THSD7B: variants seen among roughly 807,000 people sequenced by gnomAD.
The protein encoded by THSD7B is thrombospondin type-1 domain-containing protein 7B.
THSD7B carries 138 observed loss-of-function variants against 213.6 expected under a neutral mutation model. The observed-to-expected ratio is 0.65, with a 90% CI of 0.56 to 0.74. The LOEUF (loss-of-function observed/expected upper bound fraction) is 0.74, where lower values mean the gene tolerates loss of function less well. THSD7B is among the 30% of genes least tolerant of loss of function. THSD7B has a pLI of 0.00. For missense variants in THSD7B, 1,931 were observed against 1,991.5 expected, an observed-to-expected ratio of 0.97 and a Z score of 0.58; for synonymous variants, 742 against 687.0, an observed-to-expected ratio of 1.08 and a Z score of -1.25.
intron 4 of THSD7B, among the ~76,000 whole-genome samples, chr2:137,095,881 G>A (rs1227792173): frequency 6.6e-6 from 1 of 152,022 alleles, no homozygotes; most frequent in Non-Finnish European, 1.5e-5. Flanking sequence ...TTTTTATTTT[G>A]TATAGAGATG....
chr2:137,329,828 T>C (rs1684455105), intron 12 of THSD7B, among the ~76,000 whole-genome samples: 1 of 152,156 alleles, frequency 6.6e-6, no homozygotes, highest in Admixed American at 6.5e-5. Context: ...CGAATGTTGA[T>C]CACCAAGACA....
chr2:136,915,691 C>G (rs1029366258), intron 2 of THSD7B, among the ~76,000 whole-genome samples: 6 of 152,158 alleles, frequency 3.9e-5, no homozygotes, highest in African/African-American at 1.4e-4. Flanking sequence ...GGTAAAGTAC[C>G]TGGCCCATGG....
chr2:137,437,798 A>G (rs576677376), intron 14 of THSD7B, among the ~76,000 whole-genome samples: 104 of 152,266 alleles, frequency 6.8e-4, no homozygotes, highest in Non-Finnish European at 1.4e-3. Flanking sequence ...TTTAATTAGC[A>G]GGGAACTGTT....
At chr2:137,355,051 T>C (rs1685098041) in intron 12 of THSD7B, among the ~76,000 whole-genome samples, 1 of 152,166 alleles carries the variant, frequency 6.6e-6, no homozygotes, top group African/African-American at 2.4e-5. Context: ...CCACCATGAG[T>C]ATCTTTAATA....
chr2:136,809,761 A>G (rs1227970424), intron 1 of THSD7B, among the ~76,000 whole-genome samples: 1 of 152,184 alleles, frequency 6.6e-6, no homozygotes, highest in Non-Finnish European at 1.5e-5. Context: ...GGGGGAAAGC[A>G]CAGAGACCAG....
chr2:137,147,879 A>G (rs1679734800), intron 5 of THSD7B, among the ~76,000 whole-genome samples: 1 of 152,038 alleles, frequency 6.6e-6, no homozygotes, highest in Non-Finnish European at 1.5e-5. Flanking sequence ...TTTTTTAAAC[A>G]TCCTTCTCCC....
At chr2:137,378,496 T>G (rs942723571) in intron 12 of THSD7B, among the ~76,000 whole-genome samples, 4 of 152,198 alleles carry the variant, frequency 2.6e-5, no homozygotes, top group Admixed American at 1.3e-4. Context: ...TATATATTTA[T>G]TTTGGGTGGT....
intron 15 of THSD7B, among the ~76,000 whole-genome samples, chr2:137,482,109 A>G (rs2375571): frequency 0.4 from 61,150 of 151,114 alleles, 13,749 homozygotes; most frequent in East Asian, 0.63. Context: ...GAACCTGGGA[A>G]GTGGAGCTTG....
chr2:137,221,911 A>C (rs996101758), intron 7 of THSD7B, among the ~76,000 whole-genome samples: 1 of 152,240 alleles, frequency 6.6e-6, no homozygotes, highest in Non-Finnish European at 1.5e-5. Flanking sequence ...GGTATACCTC[A>C]TGTTGAAGCT....
At chr2:137,211,167 A>T (rs1681094403) in intron 7 of THSD7B, among the ~76,000 whole-genome samples, 1 of 152,004 alleles carries the variant, frequency 6.6e-6, no homozygotes, top group Admixed American at 6.6e-5. Flanking sequence ...GGCTTCGGAA[A>T]TGAGATTTGT....
rs536636521 is a variant in THSD7B at position 137,576,201 on chromosome 2, A to C, written c.3423+3645A>C. Among the ~76,000 whole-genome samples, 4 of 152,200 alleles carry C rather than the reference A, an allele frequency of 2.6e-5. No homozygotes were observed. In the East Asian group the frequency reaches 7.7e-4, roughly 29 times the overall value. ...ATTTTCTATTTATATCTCTCCTTGG[A>C]GTCTTGGCAAAGGAATTTCCTAAAC... On this transcript the variant is annotated intron_variant, in intron 17 of 27. Coordinates refer to ENST00000409968, the MANE Select transcript of THSD7B (RefSeq NM_001316349.2).
chr2:137,185,310 A>G (rs1055091034), intron 7 of THSD7B, among the ~76,000 whole-genome samples: 29 of 151,690 alleles, frequency 1.9e-4, no homozygotes, highest in African/African-American at 6.8e-4. Flanking sequence ...ACAAAGGTAT[A>G]TTGTGTGATG....
intron 20 of THSD7B, among the ~76,000 whole-genome samples, chr2:137,633,887 G>A (rs1573755778): frequency 6.6e-6 from 1 of 152,032 alleles, no homozygotes; most frequent in Admixed American, 6.6e-5. Flanking sequence ...ATGACAAAAG[G>A]TATCATACAA....
chr2:137,173,176 C>T (rs1027583157), intron 7 of THSD7B, among the ~76,000 whole-genome samples: 1 of 152,122 alleles, frequency 6.6e-6, no homozygotes, highest in Non-Finnish European at 1.5e-5. Flanking sequence ...AAGCCATAAA[C>T]TTATTTTATG....
chr2:137,659,553 A>G lies in THSD7B; in HGVS notation c.4376-111A>G, dbSNP rs1683302598. 15 of 970,504 alleles carry G rather than the reference A, an allele frequency of 1.5e-5. No homozygotes were observed. The South Asian group carries it at 2.7e-4, about 18-fold the overall frequency. The allele number at this position is 970,504 out of a possible 1,614,324, so 60.1% of individuals were successfully genotyped here. ...AATGTTGGCAAATAGATTTTTCAAA[A>G]ATAATAATACTGTTGCAAAGAGGCC... On this transcript the variant is annotated intron_variant, in intron 24 of 27. Transcript: ENST00000409968.
intron 1 of THSD7B, among the ~76,000 whole-genome samples, chr2:136,798,436 A>G (rs1682111558): frequency 6.6e-6 from 1 of 151,956 alleles, no homozygotes; most frequent in Non-Finnish European, 1.5e-5. Context: ...TATGATGGGT[A>G]GGGAAAGATC....
At chr2:137,097,693 A>C (rs1688064524) in intron 4 of THSD7B, among the ~76,000 whole-genome samples, 1 of 151,886 alleles carries the variant, frequency 6.6e-6, no homozygotes, top group Non-Finnish European at 1.5e-5. Flanking sequence ...TTAGAGTCTG[A>C]AAATAGAGGC....
At position 137,158,981 on chromosome 2, in the gene THSD7B, G is replaced by T. The variant is rs569664195; in HGVS notation, c.1370-1232G>T. 3.3e-5 allele frequency among the ~76,000 whole-genome samples: 5 copies of T among 152,254 alleles called. 1 individual carries two copies. Among genetic ancestry groups the T allele is most frequent in the African/African-American group, 1.2e-4 (5 of 41,542 alleles). ...TGCTCCAAAGCCTTCCTAGTTTAGGGTCTCTCTGTGCAAGAGTAATTACTT... is the reference window on the plus strand; with the variant it reads ...TGCTCCAAAGCCTTCCTAGTTTAGGTTCTCTCTGTGCAAGAGTAATTACTT... On this transcript the variant is annotated intron_variant, in intron 5 of 27. Coordinates refer to ENST00000409968, the MANE Select transcript of THSD7B (RefSeq NM_001316349.2).
intron 13 of THSD7B, 78 bp downstream of exon 13, chr2:137,405,885 AG>A (rs1341584231): frequency 7.5e-7 from 1 of 1,340,104 alleles, no homozygotes; most frequent in African/African-American, 1.5e-5. Flanking sequence ...TGAGGTCCAA[AG>A]GACAGGAATT....
Sources: gnomAD v4.1 joint callset for allele counts (sites outside exome capture counted in the v4.1 genomes callset) on GRCh38, gnomAD v4.1.1 for gene constraint, MANE v1.5 for transcripts, NCBI Gene and HGNC (gene_info 2026-07-23, HGNC 2026-07-21) for gene names.